RRBP1: variants seen among roughly 807,000 people sequenced by gnomAD.
The protein encoded by RRBP1 is ribosome binding protein 1.
Under a neutral mutation model 165.2 loss-of-function variants are expected in RRBP1, and 94 were observed. The observed-to-expected ratio is 0.57, with a 90% confidence interval of 0.48 to 0.68. The LOEUF (loss-of-function observed/expected upper bound fraction) is 0.68. Ranked by LOEUF, RRBP1 falls within the 30% of genes least tolerant of loss-of-function variation. The pLI is 0.00. For synonymous variants in RRBP1, 680 were observed against 714.5 expected, an observed-to-expected ratio of 0.95 and a Z score of 0.77; for missense variants, 1,676 against 1,763.0, an observed-to-expected ratio of 0.95 and a Z score of 0.88.
chr20:17,615,592 C>A, intron 22 of RRBP1, 63 bp from the exon 23 acceptor site: 1 of 1,392,720 alleles, frequency 7.2e-7, no homozygotes, highest in South Asian at 1.4e-5. Context: ...CTGTCAAGAC[C>A]CTACCGAGCA....
chr20:17,622,052 C>T lies in RRBP1; in HGVS notation c.3148-105G>A, dbSNP rs569785681. On this transcript the variant is annotated intron_variant, in intron 13 of 24. Transcript: ENST00000377813. ...CCGGGTCTCTGCCCCAGAAAGGGCA[C>T]ATCCTCAGCTCTTCAGGGAAGCGAC... The T allele has an allele frequency of 2.4e-5, 19 of 806,742 alleles. No individual in the cohort carries two copies. In the East Asian group the frequency reaches 4.5e-4, roughly 19 times the overall value. 50.0% of individuals were successfully genotyped at this position (806,742 alleles called of 1,614,324 possible).
chr20:17,655,936 C>G (rs1173500035), intron 3 of RRBP1, among the ~76,000 whole-genome samples: 1 of 152,214 alleles, frequency 6.6e-6, no homozygotes, highest in East Asian at 1.9e-4. Context: ...CTCCCAGGAA[C>G]TGCTTAGAAA....
chr20:17,637,100 T>C (rs2122337632), intron 5 of RRBP1, among the ~76,000 whole-genome samples: 1 of 149,712 alleles, frequency 6.7e-6, no homozygotes, highest in East Asian at 2.0e-4. Flanking sequence ...CCAGGGCCCC[T>C]GGGACACCTA....
intron 4 of RRBP1, among the ~76,000 whole-genome samples, 200 bp from the exon 5 acceptor site, chr20:17,642,119 C>T (rs904830959): frequency 2.0e-5 from 3 of 152,216 alleles, no homozygotes; most frequent in African/African-American, 4.8e-5. Context: ...CCTGACCCAG[C>T]GTGTGTTGGG....
chr20:17,620,262 G>C, intron 18 of RRBP1, 37 bp downstream of exon 18: 1 of 1,522,584 alleles, frequency 6.6e-7, no homozygotes, highest in Non-Finnish European at 9.1e-7. Flanking sequence ...AGAGGCTCCC[G>C]GGACAAGAGA....
intron 22 of RRBP1, 148 bp downstream of exon 22, chr20:17,615,778 G>A (rs541879636): frequency 3.2e-5 from 23 of 719,814 alleles, no homozygotes; most frequent in Middle Eastern, 3.8e-4. Flanking sequence ...CCACCTGCCC[G>A]GGCCCCACCC....
chr20:17,666,242 C>T (rs934694335), intron 2 of RRBP1, among the ~76,000 whole-genome samples: 4 of 151,810 alleles, frequency 2.6e-5, no homozygotes, highest in African/African-American at 7.3e-5. Context: ...CACAGTGGTT[C>T]GTGTCTGTAG....
chr20:17,637,922 G>A (rs2036277773), intron 5 of RRBP1, among the ~76,000 whole-genome samples: 1 of 152,190 alleles, frequency 6.6e-6, no homozygotes. Flanking sequence ...GGAAGACGAG[G>A]ATTACAATCC....
At chr20:17,620,622 A>T in intron 17 of RRBP1, 93 bp downstream of exon 17, 1 of 977,992 alleles carries the variant, frequency 1.0e-6, no homozygotes, top group Non-Finnish European at 1.6e-6. Context: ...ACCGAGACAC[A>T]CGAGTCTCAC....
intron 2 of RRBP1, among the ~76,000 whole-genome samples, chr20:17,663,622 A>G (rs1186576749): frequency 1.3e-5 from 2 of 152,240 alleles, no homozygotes; most frequent in Non-Finnish European, 2.9e-5. Flanking sequence ...ATCGAAATGA[A>G]AAACAACCTT....
At chr20:17,666,490 T>C (rs1335044026) in intron 2 of RRBP1, among the ~76,000 whole-genome samples, 1 of 152,256 alleles carries the variant, frequency 6.6e-6, no homozygotes, top group Non-Finnish European at 1.5e-5. Context: ...AGCAAAGTAA[T>C]TCATTTCTGC....
chr20:17,681,558 C>CCTCCGGCCCGGA (rs2037188754), intron 1 of RRBP1, among the ~76,000 whole-genome samples: 2 of 150,038 alleles, frequency 1.3e-5, no homozygotes, highest in African/African-American at 2.4e-5. Context: ...GCACCCCACC[C>CCTCCGGCCCGGA]CTCCGGCCCG....
intron 8 of RRBP1, among the ~76,000 whole-genome samples, chr20:17,630,177 CCA>C (rs1443543639): frequency 6.6e-6 from 1 of 152,202 alleles, no homozygotes; most frequent in Non-Finnish European, 1.5e-5. Flanking sequence ...TGCCAGGGAC[CCA>C]CACTCACTTC....
At position 17,659,862 on chromosome 20, in the gene RRBP1, G is replaced by C. The variant is rs768478227; in HGVS notation, c.646C>G (p.Pro216Ala). 6.4e-7 allele frequency: 1 copy of C among 1,551,628 alleles called. No homozygotes were observed. Among genetic ancestry groups the C allele is most frequent in the Non-Finnish European group, 8.7e-7 (1 of 1,147,098 alleles). ...QNQSKKAEGA[P>A]NQGRKAEGTP... ...CCCTCTGCCTTTCTGCCCTGGTTTGGGGCTCCTTCAGCCTTTTTGCTTTGA... is the reference window on the plus strand; with the variant it reads ...CCCTCTGCCTTTCTGCCCTGGTTTGCGGCTCCTTCAGCCTTTTTGCTTTGA... The change falls in exon 3 of 25, where the codon CCA becomes GCA. Residue 216 changes from proline (P) to alanine (A), a missense_variant. Pro to Ala is a conservative substitution (Grantham distance 27, BLOSUM62 -1). This residue lies in a region of RRBP1 where 392 missense variants were observed against 382.5 expected (regional missense o/e 1.02). Transcript: ENST00000377813.
At chr20:17,666,171 T>C (rs1283574577) in intron 2 of RRBP1, among the ~76,000 whole-genome samples, 1 of 152,198 alleles carries the variant, frequency 6.6e-6, no homozygotes, top group Non-Finnish European at 1.5e-5. Context: ...AGAAGCTATC[T>C]GTCAATGAAT....
chr20:17,619,570 G>A, intron 19 of RRBP1, 63 bp downstream of exon 19: 1 of 1,197,208 alleles, frequency 8.4e-7, no homozygotes, highest in Non-Finnish European at 1.2e-6. Context: ...CTGAGGAGAA[G>A]CAGCTCAGGG....
chr20:17,658,912 C>T lies in RRBP1; in HGVS notation c.1596G>A (p.Arg532=), dbSNP rs2036695813. The T allele has an allele frequency of 6.2e-7, 1 of 1,613,160 alleles. No individual in the cohort carries two copies. The highest frequency in any genetic ancestry group is 8.5e-7 in the Non-Finnish European group (1 of 1,179,856). ...CTCCTTTTTTGCCTTGGTTGGGACT[C>T]CTTTCTGCCTTTTTGCCCTGAGCCC... ...TEGAQGKKAE[R]SPNQGKKGEG... Residue 532 remains arginine, a synonymous_variant, in exon 3 of 25, where the codon AGG becomes AGA. Coordinates refer to ENST00000377813, the MANE Select transcript of RRBP1 (RefSeq NM_001365613.2).
At chr20:17,654,822 G>T (rs2036620374) in intron 3 of RRBP1, among the ~76,000 whole-genome samples, 1 of 152,238 alleles carries the variant, frequency 6.6e-6, no homozygotes, top group African/African-American at 2.4e-5. Context: ...GCAGAGGCCT[G>T]CGGTGCTGAG....
Position 17,615,433 on chromosome 20 carries a change from T to C in RRBP1, c.4048A>G (p.Lys1350Glu), listed in dbSNP as rs756530920. ...SSETEEASQL[K>E]ERLEKEKKLT... ...CCCCCGCCCCAGCCCCTGCCTGCCT[T>C]CAGCTGTGAGGCCTCCTCTGTTTCT... Residue 1350 changes from lysine (K) to glutamate (E), a missense_variant and splice_region_variant, in exon 23 of 25, where the codon AAG becomes GAG. Physicochemically the swap from Lys to Glu is moderately conservative, Grantham distance 56. Transcript: ENST00000377813. The C allele has an allele frequency of 4.2e-5, 67 of 1,607,362 alleles. No individual in the cohort carries two copies. The highest frequency in any genetic ancestry group is 1.7e-4 in the Middle Eastern group (1 of 6,036).
Sources: gnomAD v4.1 joint callset for allele counts (sites outside exome capture counted in the v4.1 genomes callset) on GRCh38, gnomAD v4.1.1 for gene constraint, gnomAD v4.1.1 regional missense constraint, MANE v1.5 for transcripts, NCBI Gene and HGNC (gene_info 2026-07-23, HGNC 2026-07-21) for gene names.